Variants in MECOM observed in about 807,000 individuals in gnomAD.
MECOM encodes the protein histone-lysine N-methyltransferase MECOM.
In MECOM, 13 loss-of-function variants were observed where a neutral mutation model predicts 116.3. The ratio of observed to expected loss-of-function variants is 0.11; its 90% CI spans 0.07 to 0.18. The LOEUF is 0.18. Among genes scored for constraint, MECOM ranks in the 10% least tolerant of loss-of-function variants. The pLI, the probability that MECOM is intolerant of heterozygous loss-of-function variation, is 1.00. For missense variants in MECOM, 1,299 were observed against 1,509.0 expected, an observed-to-expected ratio of 0.86 and a Z score of 2.31; for synonymous variants, 528 against 535.2, an observed-to-expected ratio of 0.99 and a Z score of 0.19.
Position 169,206,447 on chromosome 3 carries a change from C to T in MECOM, c.376-62615G>A, listed in dbSNP as rs577266912. Among the ~76,000 whole-genome samples, 3 of 152,088 alleles carry T rather than the reference C, an allele frequency of 2.0e-5. No individual in the cohort carries two copies. In the South Asian group the frequency reaches 6.2e-4, roughly 32 times the overall value. On this transcript the variant is annotated intron_variant, in intron 2 of 16. Coordinates refer to ENST00000651503, the MANE Select transcript of MECOM (RefSeq NM_004991.4). ...AAACTTTGGTTCCACTTAAAAATCA[C>T]CTGCAGAGTGTTTAAAAATTATGGC... is the stretch of plus-strand genomic sequence containing the variant.
intron 9 of MECOM, among the ~76,000 whole-genome samples, chr3:169,110,217 C>T (rs1346783794): frequency 6.6e-6 from 1 of 152,136 alleles, no homozygotes; most frequent in Admixed American, 6.5e-5. Context: ...GCAGTGAGGT[C>T]ATGCCAAGAA....
chr3:169,286,859 A>G (rs1339453814), intron 2 of MECOM, among the ~76,000 whole-genome samples: 2 of 152,076 alleles, frequency 1.3e-5, no homozygotes, highest in East Asian at 1.9e-4. Flanking sequence ...TTCTTTTCCA[A>G]TTTGCCTCCC....
intron 1 of MECOM, among the ~76,000 whole-genome samples, chr3:169,489,157 A>G (rs1259376229): frequency 6.6e-6 from 1 of 152,172 alleles, no homozygotes. Context: ...CTAGAAAAAT[A>G]AAACTTACTG....
intron 1 of MECOM, among the ~76,000 whole-genome samples, chr3:169,610,818 A>T (rs1410141380): frequency 1.3e-5 from 2 of 152,196 alleles, no homozygotes; most frequent in Non-Finnish European, 1.5e-5. Flanking sequence ...GGACCTTGTC[A>T]GTCTTATTCA....
intron 1 of MECOM, among the ~76,000 whole-genome samples, chr3:169,429,275 G>A (rs1241724322): frequency 1.3e-5 from 2 of 152,190 alleles, no homozygotes; most frequent in Admixed American, 1.3e-4. Context: ...AAACCACTGT[G>A]TATAGGTGTT....
In MECOM at chr3:169,561,356, GATAA is replaced by G. The variant is rs201123690; in HGVS notation, c.37+101976_37+101979del. ...ATGCATTTCTAGCAATAGGGAAATA[GATAA>G]ATAAATCATGATATTTTCATATGAT... On this transcript the variant is annotated intron_variant, in intron 1 of 16. Transcript: ENST00000651503. Among the ~76,000 whole-genome samples, 361 of 152,052 alleles carry G rather than the reference GATAA, an allele frequency of 2.4e-3. 4 individuals are homozygous for G. Among genetic ancestry groups the G allele is most frequent in the Admixed American group, 0.019 (295 of 15,274 alleles).
chr3:169,213,410 CTTTCT>C (rs1376711016), intron 2 of MECOM, among the ~76,000 whole-genome samples: 43 of 152,036 alleles, frequency 2.8e-4, no homozygotes, highest in African/African-American at 9.7e-5. Context: ...TTTTTTGCAA[CTTTCT>C]TTTCTTTTCC....
intron 3 of MECOM, among the ~76,000 whole-genome samples, chr3:169,132,532 CAGAT>C (rs1315916111): frequency 6.6e-6 from 1 of 152,062 alleles, no homozygotes. Context: ...ATCCCATAAT[CAGAT>C]AGAGGTTTTA....
chr3:169,631,391 G>A (rs1772066005), intron 1 of MECOM, among the ~76,000 whole-genome samples: 1 of 152,120 alleles, frequency 6.6e-6, no homozygotes. Context: ...ATAAATTCTA[G>A]CTAAATTCTG....
intron 1 of MECOM, among the ~76,000 whole-genome samples, chr3:169,593,665 G>A (rs1046183165): frequency 6.6e-6 from 1 of 152,080 alleles, no homozygotes; most frequent in Non-Finnish European, 1.5e-5. Context: ...AGAACCACTG[G>A]CTCTACCCTA....
chr3:169,263,080 T>C (rs1316402234), intron 2 of MECOM, among the ~76,000 whole-genome samples: 2 of 1,122 alleles, frequency 1.8e-3, no homozygotes, highest in East Asian at 0.05. Flanking sequence ...CAAGATGCTA[T>C]ATATATATAT....
At chr3:169,480,323 A>C (rs1560331458) in intron 1 of MECOM, among the ~76,000 whole-genome samples, 2 of 151,804 alleles carry the variant, frequency 1.3e-5, no homozygotes, top group Non-Finnish European at 2.9e-5. Context: ...CTGCAATCTG[A>C]GTTCTTCAAG....
intron 2 of MECOM, among the ~76,000 whole-genome samples, chr3:169,379,973 C>A (rs2108269926): frequency 6.6e-6 from 1 of 152,222 alleles, no homozygotes; most frequent in African/African-American, 2.4e-5. Context: ...AAGAATGAAA[C>A]TAAGGAAGGA....
At chr3:169,299,117 A>C (rs1038169149) in intron 2 of MECOM, among the ~76,000 whole-genome samples, 5 of 152,096 alleles carry the variant, frequency 3.3e-5, no homozygotes, top group African/African-American at 9.7e-5. Context: ...TAACAAATAG[A>C]TCCTTCCTAG....
chr3:169,128,053 C>T lies in MECOM; in HGVS notation c.621G>A (p.Arg207=). 6.2e-7 allele frequency: 1 copy of T among 1,613,932 alleles called. No homozygotes were observed. Among genetic ancestry groups the T allele is most frequent in the Non-Finnish European group, 8.5e-7 (1 of 1,179,860 alleles). The change falls in exon 5 of 17, where the codon CGG becomes CGA. Residue 207 remains arginine (R), a synonymous_variant. Coordinates refer to ENST00000651503, the MANE Select transcript of MECOM (RefSeq NM_004991.4). The part of the protein sequence containing the change: ...ETMAPDIHEE[R]QYRCEDCDQL... Reference sequence around the variant, plus strand: ...GGTCACAGTCTTCGCAGCGATATTGCCGTTCTTCTGTGAAAACAATTCAGG... The same window carrying T: ...GGTCACAGTCTTCGCAGCGATATTGTCGTTCTTCTGTGAAAACAATTCAGG...
chr3:169,305,557 A>G (rs1717521008), intron 2 of MECOM, among the ~76,000 whole-genome samples: 1 of 152,240 alleles, frequency 6.6e-6, no homozygotes, highest in Admixed American at 6.5e-5. Context: ...GGCTTCCAAG[A>G]TAATGGTAAA....
chr3:169,124,819 A>G (rs1359763632), intron 5 of MECOM, among the ~76,000 whole-genome samples: 1 of 152,082 alleles, frequency 6.6e-6, no homozygotes, highest in Non-Finnish European at 1.5e-5. Flanking sequence ...TTTAGAAAAG[A>G]AAAAGTACCA....
intron 7 of MECOM, among the ~76,000 whole-genome samples, chr3:169,119,250 G>A (rs1013104690): frequency 1.3e-5 from 2 of 152,076 alleles, no homozygotes; most frequent in African/African-American, 4.8e-5. Flanking sequence ...ATCAGCCCTA[G>A]GTGAACCTCC....
chr3:169,632,032 G>A (rs1035316679), intron 1 of MECOM, among the ~76,000 whole-genome samples: 2 of 152,016 alleles, frequency 1.3e-5, no homozygotes, highest in African/African-American at 4.8e-5. Context: ...CCAATTCCAT[G>A]AGCTGCTAAG....
Sources: allele counts gnomAD v4.1 joint callset (sites outside exome capture counted in the v4.1 genomes callset), GRCh38; gene constraint gnomAD v4.1.1; transcripts MANE v1.5; gene names NCBI Gene and HGNC (gene_info 2026-07-23, HGNC 2026-07-21).